PI4KA: variants seen among roughly 807,000 people sequenced by gnomAD.
The protein encoded by PI4KA is phosphatidylinositol 4-kinase alpha.
Under a neutral mutation model 271.4 loss-of-function variants are expected in PI4KA, and 122 were observed. That is an observed-to-expected ratio of 0.45 (90% CI 0.39 to 0.52). The LOEUF (loss-of-function observed/expected upper bound fraction) is 0.52. Among genes scored for constraint, PI4KA ranks in the 20% least tolerant of loss-of-function variants. The pLI is 0.00. For missense variants in PI4KA, 1,969 were observed against 2,769.1 expected (o/e 0.71, Z 6.48); for synonymous variants, 1,041 against 1,078.8 (o/e 0.96, Z 0.69).
At chr22:20,847,368 C>T (rs905761567) in intron 1 of PI4KA, among the ~76,000 whole-genome samples, 1 of 152,236 alleles carries the variant, frequency 6.6e-6, no homozygotes, top group East Asian at 1.9e-4. Flanking sequence ...AGGAGGATTG[C>T]TTGAACCCAG....
intron 18 of PI4KA, among the ~76,000 whole-genome samples, chr22:20,794,157 C>T (rs992234680): frequency 1.3e-5 from 2 of 152,252 alleles, no homozygotes; most frequent in African/African-American, 4.8e-5. Flanking sequence ...CTGGGGGCCA[C>T]AAGGGTGGCC....
At chr22:20,809,944 C>G (rs1414725171) in intron 9 of PI4KA, among the ~76,000 whole-genome samples, 1 of 152,120 alleles carries the variant, frequency 6.6e-6, no homozygotes, top group Non-Finnish European at 1.5e-5. Flanking sequence ...GTAGTTCCTT[C>G]CCTGCTTCAT....
intron 19 of PI4KA, among the ~76,000 whole-genome samples, chr22:20,778,255 C>T (rs1933457674): frequency 1.3e-5 from 2 of 152,126 alleles, no homozygotes; most frequent in African/African-American, 4.8e-5. Flanking sequence ...AATCCCAGCA[C>T]TTTGGGGGGC....
chr22:20,774,499 A>G (rs1933087432), intron 19 of PI4KA, among the ~76,000 whole-genome samples: 1 of 152,232 alleles, frequency 6.6e-6, no homozygotes, highest in African/African-American at 2.4e-5. Context: ...GCAGTGGCTC[A>G]CGCCTGTAAT....
rs370317294 is a variant in PI4KA at position 20,708,120 on chromosome 22, A to T, written c.6258-22T>A. The T allele has an allele frequency of 3.1e-6, 5 of 1,609,834 alleles. No individual in the cohort carries two copies. In the African/African-American group the frequency reaches 6.7e-5, roughly 22 times the overall value. ...GCTCCTGAAAGGCCAAGGAAGAGTG[A>T]AGGGAGATTCGAGGAGCCAGCAGGG... is the stretch of plus-strand genomic sequence containing the variant. On this transcript the variant is annotated intron_variant, in intron 54 of 54. Transcript: ENST00000255882.
chr22:20,838,812 A>G, intron 1 of PI4KA, 81 bp from the exon 2 acceptor site: 1 of 791,988 alleles, frequency 1.3e-6, no homozygotes, highest in South Asian at 1.5e-5. Context: ...GTGCAGTGTC[A>G]TATGCCTGCA....
intron 1 of PI4KA, among the ~76,000 whole-genome samples, chr22:20,852,598 T>A (rs1403725817): frequency 1.3e-5 from 2 of 152,174 alleles, no homozygotes; most frequent in Non-Finnish European, 2.9e-5. Flanking sequence ...CTAGTTGATT[T>A]AATAACAATG....
chr22:20,853,778 T>C (rs1927273314), intron 1 of PI4KA, among the ~76,000 whole-genome samples: 1 of 151,764 alleles, frequency 6.6e-6, no homozygotes, highest in Non-Finnish European at 1.5e-5. Flanking sequence ...AATATGAGAG[T>C]AGAATGGGAT....
At chr22:20,735,443 G>A (rs1288133541) in intron 32 of PI4KA, among the ~76,000 whole-genome samples, 1 of 147,494 alleles carries the variant, frequency 6.8e-6, no homozygotes, top group Non-Finnish European at 1.5e-5. Context: ...TCCTCATGAG[G>A]TGGATCAGGG....
Position 20,834,661 on chromosome 22 carries a change from AAAT to A in PI4KA, c.274-9_274-7del. The A allele has an allele frequency of 6.5e-7, 1 of 1,542,382 alleles. No homozygotes were observed. The highest frequency in any genetic ancestry group is 9.0e-7 in the Non-Finnish European group (1 of 1,117,028). ...GGAACCACACAATCTTTGTGCTAAA[AAAT>A]AATAAGAAGAATAATAAATTAGATT... On this transcript the variant is annotated splice_polypyrimidine_tract_variant and splice_region_variant and intron_variant, in intron 2 of 54. Coordinates refer to ENST00000255882, the MANE Select transcript of PI4KA (RefSeq NM_058004.4).
intron 19 of PI4KA, among the ~76,000 whole-genome samples, chr22:20,786,710 CT>C (rs1934262074): frequency 6.6e-6 from 1 of 152,166 alleles, no homozygotes; most frequent in Admixed American, 6.5e-5. Context: ...ACGGCTGCCC[CT>C]GACAGGTGGT....
At chr22:20,740,630 A>T (rs926634388) in intron 32 of PI4KA, among the ~76,000 whole-genome samples, 3 of 152,220 alleles carry the variant, frequency 2.0e-5, no homozygotes, top group Non-Finnish European at 4.4e-5. Flanking sequence ...AGAAACATCC[A>T]ACAAGTAGTC....
At chr22:20,790,979 A>C (rs1395408342) in intron 19 of PI4KA, among the ~76,000 whole-genome samples, 1 of 152,194 alleles carries the variant, frequency 6.6e-6, no homozygotes, top group Non-Finnish European at 1.5e-5. Context: ...CACAGATAAC[A>C]GTTCTGCCTG....
chr22:20,751,616 G>A lies in PI4KA; in HGVS notation c.3069+58C>T, dbSNP rs577698874. On this transcript the variant is annotated intron_variant, in intron 26 of 54. Coordinates refer to ENST00000255882, the MANE Select transcript of PI4KA (RefSeq NM_058004.4). ...GCCACAACACAGGGCGGACAGGGCC[G>A]GCGGGGTGGTGGTAGAGCGGGTGGT... 53 of 1,389,038 alleles carry A rather than the reference G, an allele frequency of 3.8e-5. No homozygotes were observed. In the East Asian group the frequency reaches 5.3e-4, roughly 14 times the overall value. The allele number at this position is 1,389,038 out of a possible 1,614,324, so 86.0% of individuals were successfully genotyped here. A position where few individuals can be genotyped will look rare whatever the true frequency, so the allele number is the denominator to read the frequency against.
intron 19 of PI4KA, among the ~76,000 whole-genome samples, chr22:20,784,846 G>A (rs1229082327): frequency 6.6e-6 from 1 of 152,110 alleles, no homozygotes; most frequent in East Asian, 1.9e-4. Context: ...CTGGATACTG[G>A]CTAGGCCCAT....
intron 29 of PI4KA, among the ~76,000 whole-genome samples, chr22:20,746,383 T>TA (rs905933916): frequency 7.9e-5 from 12 of 151,908 alleles, no homozygotes; most frequent in South Asian, 4.1e-4. Flanking sequence ...TTTTAAAAAT[T>TA]AAAAAAAATA....
intron 12 of PI4KA, 60 bp downstream of exon 12, chr22:20,804,240 G>T: frequency 1.8e-6 from 2 of 1,126,406 alleles, no homozygotes; most frequent in Non-Finnish European, 2.7e-6. Context: ...CAGCAACAGC[G>T]TGACAAGAGG....
chr22:20,724,191 G>A lies in PI4KA; in HGVS notation c.4995+2297C>T, dbSNP rs1348541959. 2.6e-5 allele frequency among the ~76,000 whole-genome samples: 4 copies of A among 152,070 alleles called. No individual in the cohort carries two copies. The East Asian group carries it at 7.8e-4, about 30-fold the overall frequency. Reference sequence around the variant, plus strand: ...GTGGTGGCACATGCCTGTAATCACAGCTGCTTGGGAGGCTGAGGCAGGAAA... The same window carrying A: ...GTGGTGGCACATGCCTGTAATCACAACTGCTTGGGAGGCTGAGGCAGGAAA... On this transcript the variant is annotated intron_variant, in intron 42 of 54. Coordinates refer to ENST00000255882, the MANE Select transcript of PI4KA (RefSeq NM_058004.4).
chr22:20,807,477 C>T lies in PI4KA; in HGVS notation c.1072-19G>A, dbSNP rs1173360159. The T allele has an allele frequency of 3.5e-6, 5 of 1,445,570 alleles. No homozygotes were observed. Among genetic ancestry groups the T allele is most frequent in the South Asian group, 2.3e-5 (2 of 87,480 alleles). The allele number at this position is 1,445,570 out of a possible 1,614,324, so 89.5% of individuals were successfully genotyped here. A position where few individuals can be genotyped will look rare whatever the true frequency, so the allele number is the denominator to read the frequency against. On this transcript the variant is annotated intron_variant, in intron 9 of 54. Coordinates refer to ENST00000255882, the MANE Select transcript of PI4KA (RefSeq NM_058004.4). ...GGTTGGCCTGCAGGGAAGGCAGACACACATGACTATAGAACAGAAATGCCC... is the reference window on the plus strand; with the variant it reads ...GGTTGGCCTGCAGGGAAGGCAGACATACATGACTATAGAACAGAAATGCCC...
Sources: gnomAD v4.1 joint callset for allele counts (sites outside exome capture counted in the v4.1 genomes callset) on GRCh38, gnomAD v4.1.1 for gene constraint, MANE v1.5 for transcripts, NCBI Gene and HGNC (gene_info 2026-07-23, HGNC 2026-07-21) for gene names.